The following JMJD1C variants were observed in gnomAD, a reference collection of about 807,000 sequenced individuals.
The protein encoded by JMJD1C is jumonji domain containing 1C.
A neutral mutation model predicts 245.3 loss-of-function variants in JMJD1C; 31 were observed. The ratio of observed to expected loss-of-function variants is 0.13; its 90% CI spans 0.09 to 0.17. JMJD1C has a LOEUF of 0.17. Among genes scored for constraint, JMJD1C ranks in the 10% least tolerant of loss-of-function variants. The pLI is 1.00. For missense variants in JMJD1C, 2,691 were observed against 3,000.2 expected, an observed-to-expected ratio of 0.90 and a Z score of 2.41; for synonymous variants, 1,057 against 1,017.4, an observed-to-expected ratio of 1.04 and a Z score of -0.74.
At chr10:63,391,989 C>T (rs149498577) in intron 1 of JMJD1C, among the ~76,000 whole-genome samples, 2,168 of 152,250 alleles carry the variant, frequency 0.014, 34 homozygotes, top group Non-Finnish European at 0.02. Flanking sequence ...GTAAAAGTTG[C>T]TAACAGTGTA....
intron 2 of JMJD1C, among the ~76,000 whole-genome samples, chr10:63,355,913 A>T (rs1055721377): frequency 6.6e-6 from 1 of 152,232 alleles, no homozygotes; most frequent in Non-Finnish European, 1.5e-5. Flanking sequence ...ATCGAGCTGA[A>T]ATAGCAGGCT....
intron 1 of JMJD1C, among the ~76,000 whole-genome samples, chr10:63,459,411 A>G: frequency 6.6e-6 from 1 of 152,206 alleles, no homozygotes; most frequent in East Asian, 1.9e-4. Context: ...CTCTCTTGCT[A>G]ATTTCTGAAA....
intron 3 of JMJD1C, among the ~76,000 whole-genome samples, chr10:63,225,135 G>C (rs1849106966): frequency 6.6e-6 from 1 of 152,098 alleles, no homozygotes; most frequent in Admixed American, 6.5e-5. Context: ...ACTATAAGTA[G>C]TTACCTATAT....
At position 63,167,795 on chromosome 10, in the gene JMJD1C, C is replaced by A; in HGVS notation, c.*250G>T. 2.9e-6 allele frequency: 1 copy of A among 346,896 alleles called. No homozygotes were observed. The highest frequency in any genetic ancestry group is 5.2e-6 in the Non-Finnish European group (1 of 190,936). The allele number at this position is 346,896 out of a possible 1,614,324, so 21.5% of individuals were successfully genotyped here. A position where few individuals can be genotyped will look rare whatever the true frequency, so the allele number is the denominator to read the frequency against. On this transcript the variant is annotated 3_prime_UTR_variant, in exon 26 of 26. Coordinates refer to ENST00000399262, the MANE Select transcript of JMJD1C (RefSeq NM_032776.3). The stretch of plus-strand genomic sequence containing the variant: ...ATTTTAAATCTGGCATTTTCACAAA[C>A]ATCATATACACTATAATACAAAACA...
intron 1 of JMJD1C, among the ~76,000 whole-genome samples, chr10:63,436,635 T>C (rs962061057): frequency 6.6e-6 from 1 of 152,222 alleles, no homozygotes; most frequent in Non-Finnish European, 1.5e-5. Context: ...GTGATTTCAG[T>C]ATCCACAGTG....
At chr10:63,372,641 C>T (rs989170251) in intron 2 of JMJD1C, among the ~76,000 whole-genome samples, 1 of 152,156 alleles carries the variant, frequency 6.6e-6, no homozygotes, top group Non-Finnish European at 1.5e-5. Context: ...GGTTGCAGCA[C>T]ATTCATCACT....
intron 1 of JMJD1C, among the ~76,000 whole-genome samples, chr10:63,386,174 G>T (rs898917972): frequency 6.6e-6 from 1 of 151,986 alleles, no homozygotes; most frequent in African/African-American, 2.4e-5. Flanking sequence ...GGTACTAGCC[G>T]GACCCCACCC....
intron 2 of JMJD1C, among the ~76,000 whole-genome samples, chr10:63,366,707 C>A (rs1424891298): frequency 6.6e-6 from 1 of 152,140 alleles, no homozygotes; most frequent in African/African-American, 2.4e-5. Flanking sequence ...GTGGAATTTA[C>A]AAATAATAGC....
intron 1 of JMJD1C, among the ~76,000 whole-genome samples, chr10:63,516,928 T>C (rs1462786805): frequency 1.3e-5 from 2 of 152,152 alleles, no homozygotes; most frequent in African/African-American, 4.8e-5. Context: ...CATAATTCCA[T>C]AAGCGACTGC....
At chr10:63,201,403 A>G (rs1845983927) in intron 10 of JMJD1C, among the ~76,000 whole-genome samples, 1 of 152,226 alleles carries the variant, frequency 6.6e-6, no homozygotes, top group African/African-American at 2.4e-5. Flanking sequence ...AGCCATCAAA[A>G]AAGTAAAAAG....
At chr10:63,196,976 T>C (rs1845534231) in intron 13 of JMJD1C, among the ~76,000 whole-genome samples, 1 of 152,004 alleles carries the variant, frequency 6.6e-6, no homozygotes, top group Admixed American at 6.6e-5. Context: ...TTTTGTATTT[T>C]TTTTTTGTAG....
rs142316642 is a variant in JMJD1C, at chr10:63,200,322, C to A, written c.5276+154G>T. Among the ~76,000 whole-genome samples the A allele has an allele frequency of 3.3e-4, 50 of 152,130 alleles. 3 individuals are homozygous for A. In the East Asian group the frequency reaches 8.5e-3, roughly 26 times the overall value. ...AGTTAGAAATTGTTAAAATTTAGCACGAAAACATTTAATAACTCTTTTATA... is the reference window on the plus strand; with the variant it reads ...AGTTAGAAATTGTTAAAATTTAGCAAGAAAACATTTAATAACTCTTTTATA... On this transcript the variant is annotated intron_variant, in intron 11 of 25. Transcript: ENST00000399262.
intron 2 of JMJD1C, among the ~76,000 whole-genome samples, chr10:63,288,282 A>C (rs1209645466): frequency 6.6e-6 from 1 of 152,202 alleles, no homozygotes; most frequent in African/African-American, 2.4e-5. Flanking sequence ...TCTCTCACTT[A>C]GTAAAATGCA....
chr10:63,452,536 C>G (rs1952134710), intron 1 of JMJD1C, among the ~76,000 whole-genome samples: 1 of 152,082 alleles, frequency 6.6e-6, no homozygotes, highest in South Asian at 2.1e-4. Context: ...TGGTTCCTCA[C>G]AAAACATAAA....
At chr10:63,254,694 A>G (rs1430297768) in intron 3 of JMJD1C, among the ~76,000 whole-genome samples, 2 of 97,202 alleles carry the variant, frequency 2.1e-5, no homozygotes, top group Non-Finnish European at 5.5e-5. Flanking sequence ...GTGTCCCGCA[A>G]AAGTTTTTTT....
chr10:63,396,055 AG>A (rs1433896870), intron 1 of JMJD1C, among the ~76,000 whole-genome samples: 81 of 151,952 alleles, frequency 5.3e-4, no homozygotes, highest in African/African-American at 1.9e-3. Flanking sequence ...AATTTTTAAA[AG>A]TAAGTAAATT....
At chr10:63,188,986 A>C (rs950130508) in intron 18 of JMJD1C, among the ~76,000 whole-genome samples, 182 bp downstream of exon 18, 1 of 152,210 alleles carries the variant, frequency 6.6e-6, no homozygotes, top group African/African-American at 2.4e-5. Context: ...AATCTGGCCA[A>C]AAAACAGGAA....
At chr10:63,247,111 C>CAAAAAAAAAAAAAA (rs988526914) in intron 3 of JMJD1C, among the ~76,000 whole-genome samples, 5 of 83,588 alleles carry the variant, frequency 6.0e-5, no homozygotes, top group Admixed American at 1.1e-4. Flanking sequence ...ACAAAAAAAA[C>CAAAAAAAAAAAAAA]AAAAACAAAA....
chr10:63,277,487 G>T (rs1043517356), intron 2 of JMJD1C, among the ~76,000 whole-genome samples: 1 of 151,984 alleles, frequency 6.6e-6, no homozygotes, highest in Non-Finnish European at 1.5e-5. Flanking sequence ...TTTATAGATG[G>T]GTAAATTTCT....
Sources: allele counts gnomAD v4.1 joint callset (sites outside exome capture counted in the v4.1 genomes callset), GRCh38; gene constraint gnomAD v4.1.1; transcripts MANE v1.5; gene names NCBI Gene and HGNC (gene_info 2026-07-23, HGNC 2026-07-21).